MEIS2: variants seen among roughly 807,000 people sequenced by gnomAD.
MEIS2 encodes the protein homeobox protein Meis2.
A neutral mutation model predicts 58.6 loss-of-function variants in MEIS2; 9 were observed. The ratio of observed to expected loss-of-function variants is 0.15; its 90% CI spans 0.09 to 0.27. The LOEUF (loss-of-function observed/expected upper bound fraction) is 0.27, where lower values mean the gene tolerates loss of function less well. Among genes scored for constraint, MEIS2 ranks in the 10% least tolerant of loss-of-function variants. The pLI, the probability that MEIS2 is intolerant of heterozygous loss-of-function variation, is 1.00. For missense variants in MEIS2, 427 were observed against 635.0 expected, an observed-to-expected ratio of 0.67 and a Z score of 3.52; for synonymous variants, 221 against 228.4, an observed-to-expected ratio of 0.97 and a Z score of 0.29.
At chr15:36,960,952 C>T (rs2059158462) in intron 8 of MEIS2, among the ~76,000 whole-genome samples, 1 of 152,046 alleles carries the variant, frequency 6.6e-6, no homozygotes, top group Admixed American at 6.5e-5. Context: ...CCCAGGCCAT[C>T]AAAAAAGGTC....
intron 9 of MEIS2, among the ~76,000 whole-genome samples, chr15:36,934,709 G>A (rs541492839): frequency 3.3e-5 from 5 of 152,282 alleles, no homozygotes; most frequent in Admixed American, 1.3e-4. Flanking sequence ...TTACCTGAGA[G>A]CTAAAGGGAG....
chr15:37,054,563 T>C (rs1438646126), intron 7 of MEIS2, among the ~76,000 whole-genome samples: 1 of 152,198 alleles, frequency 6.6e-6, no homozygotes, highest in African/African-American at 2.4e-5. Context: ...ACTACAGGCA[T>C]GTGCCACCAC....
At chr15:36,933,525 T>C (rs2058057149) in intron 9 of MEIS2, among the ~76,000 whole-genome samples, 2 of 151,742 alleles carry the variant, frequency 1.3e-5, no homozygotes, top group Non-Finnish European at 2.9e-5. Flanking sequence ...GATAATCCTT[T>C]TTAATGAATC....
intron 8 of MEIS2, among the ~76,000 whole-genome samples, chr15:36,981,077 T>C (rs542981396): frequency 1.8e-3 from 270 of 152,204 alleles, no homozygotes; most frequent in African/African-American, 6.2e-3. Flanking sequence ...TTGTAATCTT[T>C]ACAATATAGC....
intron 7 of MEIS2, among the ~76,000 whole-genome samples, chr15:37,065,499 C>T (rs1889811536): frequency 6.6e-6 from 1 of 152,258 alleles, no homozygotes; most frequent in East Asian, 1.9e-4. Flanking sequence ...GTGTGACTGA[C>T]AACTGTGGTT....
chr15:37,003,426 A>AT (rs1035246270), intron 8 of MEIS2, among the ~76,000 whole-genome samples: 6 of 151,988 alleles, frequency 3.9e-5, no homozygotes, highest in Admixed American at 6.6e-5. Flanking sequence ...ATACATTTTG[A>AT]TTTTTTTTAA....
At chr15:37,004,648 T>G (rs183803747) in intron 8 of MEIS2, among the ~76,000 whole-genome samples, 16 of 152,314 alleles carry the variant, frequency 1.1e-4, no homozygotes, top group African/African-American at 2.6e-4. Context: ...GCACTCTTGA[T>G]ACCGCAGACT....
intron 9 of MEIS2, among the ~76,000 whole-genome samples, chr15:36,946,963 A>C (rs2058588441): frequency 6.6e-6 from 1 of 151,998 alleles, no homozygotes. Context: ...GAGGTTATTC[A>C]GGTTGAGGAT....
chr15:36,950,505 G>C (rs919737383), intron 8 of MEIS2, 105 bp from the exon 9 acceptor site: 28 of 1,072,010 alleles, frequency 2.6e-5, no homozygotes, highest in Non-Finnish European at 3.6e-5. Flanking sequence ...TCTATGGCTT[G>C]ATTTTCCTAC....
chr15:36,905,019 G>T (rs979994906), intron 9 of MEIS2, among the ~76,000 whole-genome samples: 1 of 147,260 alleles, frequency 6.8e-6, no homozygotes, highest in Non-Finnish European at 1.5e-5. Context: ...ATGTATGTAG[G>T]TATATGTATG....
chr15:37,023,398 A>G (rs533807009), intron 8 of MEIS2, among the ~76,000 whole-genome samples: 1 of 152,292 alleles, frequency 6.6e-6, no homozygotes, highest in African/African-American at 2.4e-5. Flanking sequence ...ATGTAGCTTT[A>G]TGATACATTT....
intron 9 of MEIS2, among the ~76,000 whole-genome samples, chr15:36,899,826 C>A (rs1402023840): frequency 6.6e-6 from 1 of 152,130 alleles, no homozygotes; most frequent in Non-Finnish European, 1.5e-5. Flanking sequence ...ATGAATCAGA[C>A]ACATATGGAT....
chr15:36,970,398 C>G (rs1007177876), intron 8 of MEIS2, among the ~76,000 whole-genome samples: 2 of 132,154 alleles, frequency 1.5e-5, no homozygotes, highest in African/African-American at 5.7e-5. Context: ...AGCAAGACTC[C>G]GTCTCAAAAA....
intron 8 of MEIS2, among the ~76,000 whole-genome samples, chr15:37,000,193 A>G (rs929337696): frequency 8.5e-5 from 13 of 152,222 alleles, no homozygotes; most frequent in Admixed American, 7.2e-4. Flanking sequence ...AATAGGACCT[A>G]TGTATCACAA....
At position 37,093,668 on chromosome 15, in the gene MEIS2, G is replaced by C; in HGVS notation, c.552C>G (p.Pro184=). Reference sequence around the variant, plus strand: ...CTCTTTCATCAATGACGAGGTCGATGGGCATTTTCCCCTTCAAACAGCTAA... The same window carrying C: ...CTCTTTCATCAATGACGAGGTCGATCGGCATTTTCCCCTTCAAACAGCTAA... The part of the protein sequence containing the change: ...RYISCLKGKM[P]IDLVIDERDG... The change falls in exon 6 of 12, where the codon CCC becomes CCG. Residue 184 remains proline (P), a synonymous_variant. Coordinates refer to ENST00000561208, the MANE Select transcript of MEIS2 (RefSeq NM_170675.5). 1 of 1,614,158 alleles carries C rather than the reference G, an allele frequency of 6.2e-7. No homozygotes were observed. The highest frequency in any genetic ancestry group is 8.5e-7 in the Non-Finnish European group (1 of 1,180,036).
chr15:36,936,376 T>G (rs978015860), intron 9 of MEIS2, among the ~76,000 whole-genome samples: 8 of 152,066 alleles, frequency 5.3e-5, no homozygotes, highest in African/African-American at 1.9e-4. Flanking sequence ...TTGGTATTTT[T>G]AGTAGAGATG....
At chr15:36,901,879 G>A (rs1202645623) in intron 9 of MEIS2, among the ~76,000 whole-genome samples, 1 of 152,114 alleles carries the variant, frequency 6.6e-6, no homozygotes, top group Non-Finnish European at 1.5e-5. Flanking sequence ...GCTCCTGGAG[G>A]TTCTTTACTA....
At chr15:37,049,585 C>T (rs1290746217) in intron 7 of MEIS2, among the ~76,000 whole-genome samples, 3 of 151,844 alleles carry the variant, frequency 2.0e-5, no homozygotes, top group Non-Finnish European at 4.4e-5. Context: ...CTCTTGGGTT[C>T]AAGCAATTCT....
At chr15:37,045,411 A>T (rs765614575) in intron 7 of MEIS2, among the ~76,000 whole-genome samples, 2 of 152,084 alleles carry the variant, frequency 1.3e-5, no homozygotes, top group Non-Finnish European at 2.9e-5. Context: ...GTTGTCAGGG[A>T]CTACCTTCCA....
Sources: gnomAD v4.1 joint callset for allele counts (sites outside exome capture counted in the v4.1 genomes callset) on GRCh38, gnomAD v4.1.1 for gene constraint, MANE v1.5 for transcripts, NCBI Gene and HGNC (gene_info 2026-07-23, HGNC 2026-07-21) for gene names.